The following TRIM5 variants were observed in gnomAD, a reference collection of about 807,000 sequenced individuals.
TRIM5 encodes tripartite motif-containing protein 5.
A neutral mutation model predicts 35.6 loss-of-function variants in TRIM5; 31 were observed. The observed-to-expected ratio is 0.87, with a 90% confidence interval of 0.65 to 1.18. TRIM5 has a LOEUF of 1.18. TRIM5 is among the 50% of genes most tolerant of loss of function. TRIM5 has a pLI of 0.00. For synonymous variants in TRIM5, 243 were observed against 215.6 expected (o/e 1.13, Z -1.11); for missense variants, 609 against 591.6 (o/e 1.03, Z -0.31).
chr11:5,641,507 G>A, the TRIM5 span, among the ~76,000 whole-genome samples: 1 of 152,058 alleles, frequency 6.6e-6, no homozygotes. Flanking sequence ...TCCAGCCCTG[G>A]ATCTTTTATT....
chr11:5,628,207 C>T, the TRIM5 span, among the ~76,000 whole-genome samples: 1 of 152,244 alleles, frequency 6.6e-6, no homozygotes, highest in Non-Finnish European at 1.5e-5. Flanking sequence ...AACATGAAGT[C>T]ACAGCCCGTG....
chr11:5,649,233 A>T, the TRIM5 span, among the ~76,000 whole-genome samples: 3 of 152,182 alleles, frequency 2.0e-5, no homozygotes, highest in African/African-American at 7.2e-5. Context: ...TTATCTATAA[A>T]ATGTTACCAA....
intron 1 of TRIM5, among the ~76,000 whole-genome samples, chr11:5,681,568 TA>T (rs1472511948): frequency 6.6e-6 from 1 of 152,210 alleles, no homozygotes; most frequent in Non-Finnish European, 1.5e-5. Context: ...TCTCTCCTGC[TA>T]AATCATTAAG....
the TRIM5 span, chr11:5,633,861 C>G: frequency 1.7e-5 from 27 of 1,614,084 alleles, no homozygotes; most frequent in Middle Eastern, 3.3e-4. Context: ...AGCTGAGAAG[C>G]TGGAAGCTGA....
At chr11:5,662,337 G>A (rs7122620), downstream of TRIM5, among the ~76,000 whole-genome samples, 75,747 of 152,064 alleles carry the variant, frequency 0.5, 19,593 homozygotes, top group Non-Finnish European at 0.56. Flanking sequence ...TAGACATAGG[G>A]ATCCTACCAT....
At chr11:5,610,172 A>G in the TRIM5 span, 194 of 1,614,060 alleles carry the variant, frequency 1.2e-4, no homozygotes, top group Non-Finnish European at 1.5e-4. Flanking sequence ...TGAGGAAGCC[A>G]GAAGCTCTCC....
chr11:5,665,324 G>A lies in TRIM5; in HGVS notation c.967C>T (p.Pro323Ser). 3 of 1,614,118 alleles carry A rather than the reference G, an allele frequency of 1.9e-6. No individual in the cohort carries two copies. Among genetic ancestry groups the A allele is most frequent in the Non-Finnish European group, 2.5e-6 (3 of 1,180,024 alleles). ...ISEDKRQVSS[P>S]KPQIIYGARG... ...GCCCCATATATTATCTGTGGTTTCGGAGAGCTCACTTGTCTCTTATCTTCA... is the reference window on the plus strand; with the variant it reads ...GCCCCATATATTATCTGTGGTTTCGAAGAGCTCACTTGTCTCTTATCTTCA... Residue 323 changes from proline (P) to serine (S), a missense_variant, in exon 8 of 8, where the codon CCG becomes TCG. Physicochemically the swap from Pro to Ser is moderately conservative, Grantham distance 74. Coordinates refer to ENST00000380034, the MANE Select transcript of TRIM5 (RefSeq NM_033034.3).
At chr11:5,632,379 C>G in the TRIM5 span, 1 of 1,614,040 alleles carries the variant, frequency 6.2e-7, no homozygotes, top group Non-Finnish European at 8.5e-7. Flanking sequence ...TGACCTGTCC[C>G]ATCTGCCTGG....
At chr11:5,610,325 G>A in the TRIM5 span, 3 of 1,599,854 alleles carry the variant, frequency 1.9e-6, no homozygotes, top group Non-Finnish European at 2.6e-6. Context: ...GCTATAGTCG[G>A]TATTTGAGCA....
chr11:5,654,000 T>C, the TRIM5 span, among the ~76,000 whole-genome samples: 1 of 152,146 alleles, frequency 6.6e-6, no homozygotes, highest in African/African-American at 2.4e-5. Flanking sequence ...CTAACATTTC[T>C]GTTTGGCTCT....
chr11:5,592,042 T>G, the TRIM5 span, among the ~76,000 whole-genome samples: 1 of 152,156 alleles, frequency 6.6e-6, no homozygotes, highest in Non-Finnish European at 1.5e-5. Flanking sequence ...AGAGGTCTGA[T>G]CTATAGTTAA....
chr11:5,642,270 T>C, the TRIM5 span: 2 of 670,960 alleles, frequency 3.0e-6, no homozygotes, highest in Non-Finnish European at 4.9e-6. Context: ...GGTCCGGCTC[T>C]CCCTTCTCCC....
At chr11:5,631,738 C>T in the TRIM5 span, among the ~76,000 whole-genome samples, 1 of 152,122 alleles carries the variant, frequency 6.6e-6, no homozygotes, top group African/African-American at 2.4e-5. Context: ...AAGTTTTAGT[C>T]ATCTGTGGAG....
chr11:5,604,589 A>T, the TRIM5 span: 1 of 1,613,318 alleles, frequency 6.2e-7, no homozygotes. Context: ...GAAGCTGAGA[A>T]GCTAACAGCT....
chr11:5,646,120 C>T, the TRIM5 span, among the ~76,000 whole-genome samples: 3 of 148,100 alleles, frequency 2.0e-5, no homozygotes, highest in Non-Finnish European at 4.4e-5. Flanking sequence ...TACATATACA[C>T]ACGTACACAC....
chr11:5,629,208 C>G, the TRIM5 span, among the ~76,000 whole-genome samples: 1 of 151,466 alleles, frequency 6.6e-6, no homozygotes, highest in African/African-American at 2.4e-5. Flanking sequence ...ACCTGGGAGG[C>G]GGGGGTTGCA....
chr11:5,653,659 T>C, the TRIM5 span, among the ~76,000 whole-genome samples: 1 of 151,700 alleles, frequency 6.6e-6, no homozygotes, highest in African/African-American at 2.4e-5. Context: ...GCCCGACTAA[T>C]TTTTGTATTT....
At chr11:5,669,080 CTTTTT>C (rs34310528) in intron 4 of TRIM5, among the ~76,000 whole-genome samples, 2 of 133,188 alleles carry the variant, frequency 1.5e-5, no homozygotes, top group Non-Finnish European at 1.6e-5. Flanking sequence ...GGTCTACATT[CTTTTT>C]TTTTTTTTTT....
chr11:5,613,078 G>A, the TRIM5 span: 37 of 152,294 alleles, frequency 2.4e-4, no homozygotes, highest in Non-Finnish European at 2.9e-4. Context: ...CCCTAAGTGA[G>A]CCCTAGTGTA....
Sources: gnomAD v4.1 joint callset for allele counts (sites outside exome capture counted in the v4.1 genomes callset) on GRCh38, gnomAD v4.1.1 for gene constraint, MANE v1.5 for transcripts, NCBI Gene and HGNC (gene_info 2026-07-23, HGNC 2026-07-21) for gene names.